The following ZC3HC1 variants were observed in gnomAD, a reference collection of about 807,000 sequenced individuals.
ZC3HC1 encodes zinc finger C3HC-type containing 1, also known as zinc finger C3HC-type protein 1.
Under a neutral mutation model 61.9 loss-of-function variants are expected in ZC3HC1, and 38 were observed. That is an observed-to-expected ratio of 0.61 (90% CI 0.47 to 0.81). ZC3HC1 has a LOEUF of 0.81. ZC3HC1 is among the 30% of genes least tolerant of loss of function. The probability of loss-of-function intolerance (pLI) is 0.00; values close to 1 mark genes in which losing one functional copy is unlikely to be tolerated. For missense variants in ZC3HC1, 554 were observed against 622.7 expected, an observed-to-expected ratio of 0.89 and a Z score of 1.17; for synonymous variants, 213 against 229.9, an observed-to-expected ratio of 0.93 and a Z score of 0.67.
At chr7:130,026,878 G>A (rs763288068) in intron 5 of ZC3HC1, 5 of 150,990 alleles carry the variant, frequency 3.3e-5, no homozygotes, top group East Asian at 2.0e-4. Flanking sequence ...GCTGAGGCAG[G>A]AGAATAGCGT....
chr7:130,036,032 C>T (rs980932241), intron 4 of ZC3HC1, among the ~76,000 whole-genome samples: 3 of 151,904 alleles, frequency 2.0e-5, no homozygotes, highest in Non-Finnish European at 2.9e-5. Flanking sequence ...ACAGTGAAGC[C>T]ATTTGATCTG....
At chr7:130,040,425 C>T (rs1206065399) in intron 3 of ZC3HC1, among the ~76,000 whole-genome samples, 2 of 129,804 alleles carry the variant, frequency 1.5e-5, no homozygotes, top group South Asian at 2.5e-4. Context: ...ACCCAGGAGG[C>T]GGAGCTTACA....
chr7:130,049,549 C>CT (rs148074514), intron 1 of ZC3HC1, among the ~76,000 whole-genome samples: 37,559 of 146,854 alleles, frequency 0.26, 4,801 homozygotes, highest in Non-Finnish European at 0.27. Flanking sequence ...AGAAATTCGA[C>CT]TTTTTTTTTT....
intron 5 of ZC3HC1, among the ~76,000 whole-genome samples, chr7:130,028,564 A>C (rs988259407): frequency 6.6e-5 from 10 of 152,224 alleles, no homozygotes; most frequent in African/African-American, 1.9e-4. Context: ...ATAATAATTT[A>C]AGTAATAAAT....
intron 4 of ZC3HC1, among the ~76,000 whole-genome samples, chr7:130,030,137 T>C (rs1317137885): frequency 6.6e-6 from 1 of 151,654 alleles, no homozygotes; most frequent in Non-Finnish European, 1.5e-5. Flanking sequence ...GCTAAGCTAC[T>C]TCCTAAAGAG....
chr7:130,037,946 T>C (rs73144759), intron 4 of ZC3HC1, among the ~76,000 whole-genome samples: 232 of 152,342 alleles, frequency 1.5e-3, no homozygotes, highest in Non-Finnish European at 2.8e-3. Flanking sequence ...TATGCCTATG[T>C]GATCAACAAA....
intron 1 of ZC3HC1, among the ~76,000 whole-genome samples, chr7:130,049,652 C>A (rs1260269877): frequency 2.0e-5 from 3 of 151,798 alleles, no homozygotes; most frequent in Admixed American, 2.0e-4. Context: ...TCAAGCAATT[C>A]TCCTGCCTCG....
chr7:130,046,278 T>G (rs1003151533), intron 2 of ZC3HC1, among the ~76,000 whole-genome samples: 1 of 151,984 alleles, frequency 6.6e-6, no homozygotes, highest in African/African-American at 2.4e-5. Flanking sequence ...AACCCGCACA[T>G]CCTACACATG....
At chr7:130,020,095 G>A (rs939618733) in intron 9 of ZC3HC1, among the ~76,000 whole-genome samples, 4 of 151,738 alleles carry the variant, frequency 2.6e-5, no homozygotes, top group African/African-American at 7.3e-5. Flanking sequence ...GATTACAGGC[G>A]TGAGCCACTG....
chr7:130,023,857 T>C lies in ZC3HC1; in HGVS notation c.1021-134A>G. ...CTTTGTTGCCAAGGCTGGAGAGCAGTGAGGCGATCTTGGCTCATGGCAACC... is the reference window on the plus strand; with the variant it reads ...CTTTGTTGCCAAGGCTGGAGAGCAGCGAGGCGATCTTGGCTCATGGCAACC... On this transcript the variant is annotated intron_variant, in intron 7 of 9. Coordinates refer to ENST00000358303, the MANE Select transcript of ZC3HC1 (RefSeq NM_016478.5). This position sits in a 1 kb window ranked among gnomAD's most constrained non-coding sequence, Gnocchi z 4.2. 1 of 828,552 alleles carries C rather than the reference T, an allele frequency of 1.2e-6. No individual in the cohort carries two copies. The highest frequency in any genetic ancestry group is 2.7e-5 in the East Asian group (1 of 36,954). 51.3% of individuals were successfully genotyped at this position (828,552 alleles called of 1,614,324 possible). A position where few individuals can be genotyped will look rare whatever the true frequency, so the allele number is the denominator to read the frequency against.
chr7:130,032,715 AAGGG>A (rs1384650674), intron 4 of ZC3HC1, among the ~76,000 whole-genome samples: 44 of 89,778 alleles, frequency 4.9e-4, no homozygotes, highest in African/African-American at 1.5e-3. Context: ...GGAAGGAAGG[AAGGG>A]AAGGAGGGAG....
At chr7:130,027,225 C>T (rs1323585037) in intron 5 of ZC3HC1, 1 of 151,860 alleles carries the variant, frequency 6.6e-6, no homozygotes, top group Non-Finnish European at 1.5e-5. Context: ...AAAAAAATTG[C>T]CTTGGCTAGG....
At chr7:130,051,194 G>A (rs532921595) in intron 1 of ZC3HC1, 27 bp downstream of exon 1, 2 of 1,570,606 alleles carry the variant, frequency 1.3e-6, no homozygotes, top group South Asian at 1.2e-5. Flanking sequence ...TTCCAACGCC[G>A]GACCCAGGGT....
At position 130,039,558 on chromosome 7, in the gene ZC3HC1, C is replaced by A. The variant is rs375263467; in HGVS notation, c.410-11G>T. The A allele has an allele frequency of 3.1e-6, 5 of 1,603,942 alleles. No individual in the cohort carries two copies. Among genetic ancestry groups the A allele is most frequent in the South Asian group, 1.1e-5 (1 of 88,656 alleles). On this transcript the variant is annotated splice_polypyrimidine_tract_variant and intron_variant, in intron 3 of 9. Coordinates refer to ENST00000358303, the MANE Select transcript of ZC3HC1 (RefSeq NM_016478.5). ...CACATCGTTGCTTATCTGAAATCCA[C>A]ATAAACAGCAACACCTTAAAAAACA...
At chr7:130,021,976 AC>A (rs1793662042) in intron 9 of ZC3HC1, among the ~76,000 whole-genome samples, 1 of 152,108 alleles carries the variant, frequency 6.6e-6, no homozygotes, top group Admixed American at 6.6e-5. Flanking sequence ...GGAGTTCGAG[AC>A]CAGCCTGGCC....
intron 4 of ZC3HC1, chr7:130,036,584 A>C (rs1195293821): frequency 6.7e-6 from 1 of 149,708 alleles, no homozygotes; most frequent in Non-Finnish European, 1.5e-5. Flanking sequence ...AAAATAAAAT[A>C]AAATAAAATG....
At position 130,040,879 on chromosome 7, in the gene ZC3HC1, T is replaced by C. The variant is rs191911347; in HGVS notation, c.409+72A>G. 360 of 1,447,268 alleles carry C rather than the reference T, an allele frequency of 2.5e-4. 1 individual carries two copies. The East Asian group carries it at 5.9e-3, about 24-fold the overall frequency. 89.7% of individuals were successfully genotyped at this position (1,447,268 alleles called of 1,614,324 possible). ...TTTGATCAAACTAAAATGACCTTTT[T>C]TCCCCCCCCAGAAAACCAGGATAGT... is the stretch of plus-strand genomic sequence containing the variant. On this transcript the variant is annotated intron_variant, in intron 3 of 9. Coordinates refer to ENST00000358303, the MANE Select transcript of ZC3HC1 (RefSeq NM_016478.5).
Position 130,022,323 on chromosome 7 carries a change from G to A in ZC3HC1, c.1436C>T (p.Ser479Phe), listed in dbSNP as rs1793680603. The A allele has an allele frequency of 6.2e-7, 1 of 1,614,124 alleles. No individual in the cohort carries two copies. The highest frequency in any genetic ancestry group is 1.3e-5 in the African/African-American group (1 of 75,048). ...CAAGGCAGTGGCGTATCTCACCATG[G>A]AGTCCGTTTCAGCTGGCTGGCTAGA... ...KQSSQPAETD[S>F]MSLSEKSRKV... Residue 479 changes from serine (S) to phenylalanine (F), a missense_variant, in exon 9 of 10, where the codon TCC becomes TTC. By Grantham distance (155) the Ser-to-Phe change is radical. Coordinates refer to ENST00000358303, the MANE Select transcript of ZC3HC1 (RefSeq NM_016478.5).
At position 130,037,759 on chromosome 7, in the gene ZC3HC1, C is replaced by T. The variant is rs532373499; in HGVS notation, c.493+1705G>A. On this transcript the variant is annotated intron_variant, in intron 4 of 9. Transcript: ENST00000358303. ...TAGCCATCAGTGACCCTGGAATTAG[C>T]CTGCCATCCTACTGAAATAAAAAAT... is the stretch of plus-strand genomic sequence containing the variant. Among the ~76,000 whole-genome samples the T allele has an allele frequency of 5.9e-5, 9 of 152,222 alleles. No individual in the cohort carries two copies. The South Asian group carries it at 1.7e-3, about 28-fold the overall frequency.
Sources: allele counts gnomAD v4.1 joint callset (sites outside exome capture counted in the v4.1 genomes callset), GRCh38; gene constraint gnomAD v4.1.1; non-coding constraint Gnocchi (gnomAD v3.1); transcripts MANE v1.5; gene names NCBI Gene and HGNC (gene_info 2026-07-23, HGNC 2026-07-21).